The following NRG3 variants were observed in gnomAD, a reference collection of about 807,000 sequenced individuals.
The protein encoded by NRG3 is pro-neuregulin-3, membrane-bound isoform.
Under a neutral mutation model 66.9 loss-of-function variants are expected in NRG3, and 31 were observed. That is an observed-to-expected ratio of 0.46 (90% CI 0.35 to 0.63). The LOEUF (loss-of-function observed/expected upper bound fraction) is 0.63. Among genes scored for constraint, NRG3 ranks in the 20% least tolerant of loss-of-function variants. The pLI is 0.00. For missense variants in NRG3, 910 were observed against 878.9 expected, an observed-to-expected ratio of 1.04 and a Z score of -0.45; for synonymous variants, 393 against 359.4, an observed-to-expected ratio of 1.09 and a Z score of -1.06.
At chr10:82,464,075 G>C (rs1246295843) in intron 2 of NRG3, among the ~76,000 whole-genome samples, 1 of 152,138 alleles carries the variant, frequency 6.6e-6, no homozygotes, top group African/African-American at 2.4e-5. Flanking sequence ...CAAGTCTTAT[G>C]AATCAGGTGG....
chr10:82,743,766 G>A (rs538383724), intron 3 of NRG3, among the ~76,000 whole-genome samples: 12 of 152,186 alleles, frequency 7.9e-5, no homozygotes, highest in Non-Finnish European at 1.5e-4. Flanking sequence ...CAGGAGCCTG[G>A]GTAGGCATTT....
intron 4 of NRG3, among the ~76,000 whole-genome samples, chr10:82,925,749 T>G (rs1462460389): frequency 6.6e-6 from 1 of 152,222 alleles, no homozygotes; most frequent in Admixed American, 6.5e-5. Context: ...CACTCTTTCT[T>G]TGCTTGGTCA....
intron 2 of NRG3, among the ~76,000 whole-genome samples, chr10:82,398,526 TGAGA>T (rs10690548): frequency 4.2e-4 from 57 of 136,574 alleles, no homozygotes; most frequent in Admixed American, 8.6e-4. Context: ...TGTGTGTGTG[TGAGA>T]GAGAGAGAGA....
intron 4 of NRG3, among the ~76,000 whole-genome samples, chr10:82,949,432 A>G (rs1290644707): frequency 1.3e-5 from 2 of 152,062 alleles, no homozygotes; most frequent in Non-Finnish European, 2.9e-5. Flanking sequence ...CAGTGATGAG[A>G]AGCCCCCGAG....
chr10:82,902,890 A>G (rs1469856558), intron 4 of NRG3, among the ~76,000 whole-genome samples: 2 of 152,048 alleles, frequency 1.3e-5, no homozygotes, highest in Non-Finnish European at 2.9e-5. Context: ...TTTATAATAT[A>G]TTGGAAAATA....
intron 2 of NRG3, among the ~76,000 whole-genome samples, chr10:82,453,293 A>T (rs146655009): frequency 1.3e-3 from 202 of 152,292 alleles, no homozygotes; most frequent in African/African-American, 4.7e-3. Flanking sequence ...GCTAGGCCGT[A>T]TTATGAGTAA....
At chr10:82,001,620 G>T (rs1051935963) in intron 1 of NRG3, among the ~76,000 whole-genome samples, 1 of 152,102 alleles carries the variant, frequency 6.6e-6, no homozygotes, top group Non-Finnish European at 1.5e-5. Context: ...ACCTTACTAC[G>T]CAAGTGCCCT....
At chr10:82,809,046 G>A (rs2061393429) in intron 3 of NRG3, among the ~76,000 whole-genome samples, 2 of 152,158 alleles carry the variant, frequency 1.3e-5, no homozygotes, top group South Asian at 4.1e-4. Flanking sequence ...ACTGAGAGGA[G>A]GCGATGGTGG....
intron 4 of NRG3, among the ~76,000 whole-genome samples, chr10:82,925,915 G>A (rs1846948563): frequency 6.6e-6 from 1 of 152,186 alleles, no homozygotes; most frequent in African/African-American, 2.4e-5. Flanking sequence ...CGATGGCAAG[G>A]CAAGCAGGGC....
In NRG3 at chr10:82,176,527, T is replaced by C. The variant is rs76919713; in HGVS notation, c.824-182212T>C. ...CCATGCCCAAACACGTAGGCTACCC[T>C]CTGTCACAGAGCACACTGAAGGGGA... On this transcript the variant is annotated intron_variant, in intron 1 of 8. Transcript: ENST00000372141. 7.0e-3 allele frequency among the ~76,000 whole-genome samples: 1,072 copies of C among 152,212 alleles called. 68 individuals are homozygous for C. The East Asian group carries it at 0.14, about 20-fold the overall frequency.
chr10:82,953,863 C>A (rs763799493), intron 5 of NRG3, among the ~76,000 whole-genome samples: 19 of 150,832 alleles, frequency 1.3e-4, no homozygotes, highest in Admixed American at 2.6e-4. Flanking sequence ...GAGGCTGAGG[C>A]ACAAGAATGG....
chr10:82,269,642 A>G (rs1372789436), intron 1 of NRG3, among the ~76,000 whole-genome samples: 1 of 152,104 alleles, frequency 6.6e-6, no homozygotes, highest in Non-Finnish European at 1.5e-5. Flanking sequence ...TCTATGCACT[A>G]GATAGTAGAT....
intron 2 of NRG3, among the ~76,000 whole-genome samples, chr10:82,474,623 G>A (rs1362395423): frequency 6.6e-6 from 1 of 152,024 alleles, no homozygotes; most frequent in Non-Finnish European, 1.5e-5. Context: ...GGGATGTGTG[G>A]GCCATTACCA....
chr10:82,620,490 A>G (rs1333022567), intron 2 of NRG3, among the ~76,000 whole-genome samples: 1 of 152,102 alleles, frequency 6.6e-6, no homozygotes, highest in Non-Finnish European at 1.5e-5. Context: ...AAGTTAAGCC[A>G]TCTCTCCTCT....
intron 1 of NRG3, among the ~76,000 whole-genome samples, chr10:82,059,209 G>T (rs551378798): frequency 1.9e-4 from 29 of 152,280 alleles, no homozygotes; most frequent in African/African-American, 6.7e-4. Flanking sequence ...GATCAAATCT[G>T]TATTTTTTGA....
At chr10:82,539,381 T>C (rs1395590654) in intron 2 of NRG3, among the ~76,000 whole-genome samples, 1 of 152,212 alleles carries the variant, frequency 6.6e-6, no homozygotes, top group East Asian at 1.9e-4. Flanking sequence ...AGGATTGCTT[T>C]GTGATTATTG....
intron 1 of NRG3, among the ~76,000 whole-genome samples, chr10:82,002,366 C>G (rs1199997748): frequency 1.3e-5 from 2 of 152,188 alleles, no homozygotes; most frequent in East Asian, 3.9e-4. Flanking sequence ...TTTTATTCAA[C>G]TTTAATGAAT....
At chr10:82,931,891 A>G (rs1025861034) in intron 4 of NRG3, among the ~76,000 whole-genome samples, 1 of 152,180 alleles carries the variant, frequency 6.6e-6, no homozygotes, top group South Asian at 2.1e-4. Flanking sequence ...CATGTGTTTG[A>G]GTCCCAGGTA....
chr10:82,059,840 G>A (rs1318892465), intron 1 of NRG3, among the ~76,000 whole-genome samples: 1 of 152,094 alleles, frequency 6.6e-6, no homozygotes, highest in Non-Finnish European at 1.5e-5. Context: ...ACACCTTCAT[G>A]TCCTAGGTAC....
Sources: allele counts gnomAD v4.1 joint callset (sites outside exome capture counted in the v4.1 genomes callset), GRCh38; gene constraint gnomAD v4.1.1; transcripts MANE v1.5; gene names NCBI Gene and HGNC (gene_info 2026-07-23, HGNC 2026-07-21).